The following SCN9A variants were observed in gnomAD, a reference collection of about 807,000 sequenced individuals.
SCN9A encodes sodium voltage-gated channel alpha subunit 9.
Under a neutral mutation model 187.0 loss-of-function variants are expected in SCN9A, and 131 were observed. That is an observed-to-expected ratio of 0.70 (90% confidence interval 0.61 to 0.81). The LOEUF is 0.81. Ranked by LOEUF, SCN9A falls within the 30% of genes least tolerant of loss-of-function variation. The probability of loss-of-function intolerance (pLI) is 0.00; values close to 1 mark genes in which losing one functional copy is unlikely to be tolerated. For synonymous variants in SCN9A, 809 were observed against 808.6 expected (o/e 1.00, Z -0.01); for missense variants, 2,252 against 2,396.6 (o/e 0.94, Z 1.26).
At chr2:166,290,086 G>A (rs1365868589) in intron 9 of SCN9A, among the ~76,000 whole-genome samples, 2 of 151,802 alleles carry the variant, frequency 1.3e-5, no homozygotes, top group Admixed American at 1.3e-4. Flanking sequence ...CCCCCAACAG[G>A]CCCCGGTGTG....
chr2:166,197,605 A>G lies in SCN9A; in HGVS notation c.*1067T>C, dbSNP rs954032391. On this transcript the variant is annotated 3_prime_UTR_variant, in exon 27 of 27. Transcript: ENST00000642356. ...AAGCTTGCCAAACACGGGATTGTATACAAGTGATGCAATAAATACTGTGCC... is the reference window on the plus strand; with the variant it reads ...AAGCTTGCCAAACACGGGATTGTATGCAAGTGATGCAATAAATACTGTGCC... 6.6e-6 allele frequency: 1 copy of G among 152,198 alleles called. No homozygotes were observed. The highest frequency in any genetic ancestry group is 1.5e-5 in the Non-Finnish European group (1 of 68,008). 9.4% of individuals were successfully genotyped at this position (152,198 alleles called of 1,614,324 possible).
chr2:166,247,748 C>T (rs747633282), intron 18 of SCN9A, among the ~76,000 whole-genome samples: 3 of 152,062 alleles, frequency 2.0e-5, no homozygotes, highest in Non-Finnish European at 2.9e-5. Flanking sequence ...ATCTCTTGAC[C>T]TTGTGAAAAA....
chr2:166,198,600 T>C lies in SCN9A; in HGVS notation c.*72A>G. 2 of 1,177,776 alleles carry C rather than the reference T, an allele frequency of 1.7e-6. No individual in the cohort carries two copies. Among genetic ancestry groups the C allele is most frequent in the Non-Finnish European group, 2.4e-6 (2 of 850,910 alleles). 73.0% of individuals were successfully genotyped at this position (1,177,776 alleles called of 1,614,324 possible). A position where few individuals can be genotyped will look rare whatever the true frequency, so the allele number is the denominator to read the frequency against. On this transcript the variant is annotated 3_prime_UTR_variant, in exon 27 of 27. Coordinates refer to ENST00000642356, the MANE Select transcript of SCN9A (RefSeq NM_001365536.1). ...GATAAAAAGGATTTTGGCATAGACT[T>C]CCTCAAAAGAGTTTTATTAACACAA...
Position 166,199,124 on chromosome 2 carries a change from G to C in SCN9A, c.5515C>G (p.Leu1839Val). 3 of 1,614,166 alleles carry C rather than the reference G, an allele frequency of 1.9e-6. No homozygotes were observed. The highest frequency in any genetic ancestry group is 2.5e-6 in the Non-Finnish European group (3 of 1,180,036). The stretch of plus-strand genomic sequence containing the variant: ...TTTGTAAAAGCAAATAAGATGTCAA[G>C]ACAATGGATCCGGTCACCACTAACC... Reference protein sequence around the residue: ...PMVSGDRIHCLDILFAFTKRV... With the variant: ...PMVSGDRIHCVDILFAFTKRV... Residue 1839 changes from leucine to valine, a missense_variant, in exon 27 of 27, where the codon CTT becomes GTT. Coordinates refer to ENST00000642356, the MANE Select transcript of SCN9A (RefSeq NM_001365536.1).
chr2:166,211,460 C>G (rs549178186), intron 24 of SCN9A, among the ~76,000 whole-genome samples: 5 of 152,118 alleles, frequency 3.3e-5, no homozygotes, highest in East Asian at 3.9e-4. Context: ...AAGCACAAAT[C>G]TCACTAGTAA....
intron 1 of SCN9A, among the ~76,000 whole-genome samples, chr2:166,324,236 T>G (rs767194024): frequency 9.2e-5 from 14 of 151,690 alleles, no homozygotes; most frequent in Non-Finnish European, 1.5e-4. Flanking sequence ...GAGGTTGCAG[T>G]GAGCCGAGAT....
chr2:166,364,299 T>C (rs1342953147), intron 1 of SCN9A, among the ~76,000 whole-genome samples: 2 of 151,996 alleles, frequency 1.3e-5, no homozygotes, highest in East Asian at 3.9e-4. Context: ...AACAGAAATA[T>C]CACATGATCC....
At chr2:166,262,814 G>A (rs1696568287) in intron 17 of SCN9A, among the ~76,000 whole-genome samples, 1 of 151,948 alleles carries the variant, frequency 6.6e-6, no homozygotes, top group African/African-American at 2.4e-5. Flanking sequence ...AGGGGCTACT[G>A]TATACATTTT....
chr2:166,203,840 G>T, intron 26 of SCN9A, 115 bp downstream of exon 26: 1 of 666,606 alleles, frequency 1.5e-6, no homozygotes, highest in Non-Finnish European at 2.5e-6. Context: ...TTCTTTCATT[G>T]TACTGACTTA....
intron 17 of SCN9A, among the ~76,000 whole-genome samples, chr2:166,258,594 A>T (rs958112837): frequency 6.6e-6 from 1 of 151,616 alleles, no homozygotes; most frequent in African/African-American, 2.4e-5. Context: ...CCATTTCAAA[A>T]TGTATTCAAA....
In SCN9A at chr2:166,196,739, G is replaced by A. The variant is rs979803899; in HGVS notation, c.*1933C>T. 1 of 152,060 alleles carries A rather than the reference G, an allele frequency of 6.6e-6. No individual in the cohort carries two copies. Among genetic ancestry groups the A allele is most frequent in the Non-Finnish European group, 1.5e-5 (1 of 67,972 alleles). The allele number at this position is 152,060 out of a possible 1,614,324, so 9.4% of individuals were successfully genotyped here. A position where few individuals can be genotyped will look rare whatever the true frequency, so the allele number is the denominator to read the frequency against. On this transcript the variant is annotated 3_prime_UTR_variant, in exon 27 of 27. Coordinates refer to ENST00000642356, the MANE Select transcript of SCN9A (RefSeq NM_001365536.1). ...AGGCTTGGTAGGTATGTGATAAAAT[G>A]ATCTATGTAGTCTCGGAAAACACTG...
chr2:166,217,533 A>T (rs1694389462), intron 24 of SCN9A, among the ~76,000 whole-genome samples: 1 of 152,058 alleles, frequency 6.6e-6, no homozygotes, highest in Non-Finnish European at 1.5e-5. Flanking sequence ...TCAATAAACC[A>T]ATTGTAGAAT....
At position 166,239,608 on chromosome 2, in the gene SCN9A, C is replaced by A. The variant is rs565357680; in HGVS notation, c.3628-1341G>T. Reference sequence around the variant, plus strand: ...TCTGAAATTCAATGGAATTGAAGTGCAGAGGGAGGCTTCTAGCCCTCAGGA... The same window carrying A: ...TCTGAAATTCAATGGAATTGAAGTGAAGAGGGAGGCTTCTAGCCCTCAGGA... On this transcript the variant is annotated intron_variant, in intron 19 of 26. Transcript: ENST00000642356. Among the ~76,000 whole-genome samples the A allele has an allele frequency of 2.6e-5, 4 of 152,226 alleles. No homozygotes were observed. In the South Asian group the frequency reaches 8.3e-4, roughly 32 times the overall value.
At position 166,256,400 on chromosome 2, in the gene SCN9A, A is replaced by C. The variant is rs572069170; in HGVS notation, c.3352-4515T>G. Among the ~76,000 whole-genome samples, 7 of 151,518 alleles carry C rather than the reference A, an allele frequency of 4.6e-5. 1 individual carries two copies. The highest frequency in any genetic ancestry group is 1.7e-4 in the African/African-American group (7 of 41,464). ...TAAAAGGTAATGCCTCAAGTTAAAA[A>C]ATCACTGAAGCTCAGGAATTTCAGG... is the stretch of plus-strand genomic sequence containing the variant. On this transcript the variant is annotated intron_variant, in intron 17 of 26. Transcript: ENST00000642356.
chr2:166,224,019 G>C (rs1694739898), intron 24 of SCN9A, among the ~76,000 whole-genome samples: 1 of 152,120 alleles, frequency 6.6e-6, no homozygotes, highest in African/African-American at 2.4e-5. Context: ...ATCAGTAACT[G>C]TTTCCTGACT....
intron 1 of SCN9A, among the ~76,000 whole-genome samples, chr2:166,334,633 T>C (rs1392116359): frequency 1.3e-5 from 2 of 152,094 alleles, no homozygotes; most frequent in East Asian, 3.9e-4. Flanking sequence ...AAGGAATTTT[T>C]CCCCCAAATT....
At chr2:166,368,653 T>C (rs1316952740) in intron 1 of SCN9A, among the ~76,000 whole-genome samples, 6 of 134,860 alleles carry the variant, frequency 4.4e-5, no homozygotes, top group African/African-American at 8.7e-5. Context: ...GTAAAAAACC[T>C]GCACATCCTG....
intron 24 of SCN9A, among the ~76,000 whole-genome samples, chr2:166,217,318 A>T (rs1396408877): frequency 6.6e-6 from 1 of 152,074 alleles, no homozygotes; most frequent in Non-Finnish European, 1.5e-5. Context: ...CTTGGCTAGG[A>T]CTCTAAAAGC....
intron 20 of SCN9A, among the ~76,000 whole-genome samples, chr2:166,237,491 A>G (rs1695369479): frequency 6.6e-6 from 1 of 152,166 alleles, no homozygotes; most frequent in African/African-American, 2.4e-5. Flanking sequence ...GATGAAGGGC[A>G]AGTCGCATAT....
Sources: allele counts gnomAD v4.1 joint callset (sites outside exome capture counted in the v4.1 genomes callset), GRCh38; gene constraint gnomAD v4.1.1; transcripts MANE v1.5; gene names NCBI Gene and HGNC (gene_info 2026-07-23, HGNC 2026-07-21).